The following PLCE1 variants were observed in gnomAD, a reference collection of about 807,000 sequenced individuals.
The protein encoded by PLCE1 is phospholipase C epsilon 1, also known as 1-phosphatidylinositol 4,5-bisphosphate phosphodiesterase epsilon-1.
A neutral mutation model predicts 242.8 loss-of-function variants in PLCE1; 119 were observed. That is an observed-to-expected ratio of 0.49 (90% confidence interval 0.42 to 0.57). The LOEUF (loss-of-function observed/expected upper bound fraction) is 0.57, where lower values mean the gene tolerates loss of function less well. PLCE1 is among the 20% of genes least tolerant of loss of function. The pLI is 0.00. For missense variants in PLCE1, 2,441 were observed against 2,788.8 expected (o/e 0.88, Z 2.81); for synonymous variants, 945 against 1,017.4 (o/e 0.93, Z 1.35).
chr10:94,126,151 T>A (rs1332493931), intron 2 of PLCE1, among the ~76,000 whole-genome samples: 1 of 152,234 alleles, frequency 6.6e-6, no homozygotes, highest in Non-Finnish European at 1.5e-5. Context: ...TTGCTTGCTT[T>A]TCTCTAAGTC....
At chr10:94,063,588 T>C (rs1387037929) in intron 2 of PLCE1, among the ~76,000 whole-genome samples, 2 of 152,346 alleles carry the variant, frequency 1.3e-5, no homozygotes, top group Admixed American at 6.5e-5. Flanking sequence ...TATTTATTGA[T>C]TCACTGAATA....
intron 4 of PLCE1, among the ~76,000 whole-genome samples, chr10:94,224,732 A>C (rs991792469): frequency 6.6e-6 from 1 of 152,242 alleles, no homozygotes; most frequent in Admixed American, 6.5e-5. Flanking sequence ...GAAGAATTAG[A>C]TGGATGCACC....
At chr10:94,161,386 G>A (rs1387750263) in intron 3 of PLCE1, among the ~76,000 whole-genome samples, 1 of 152,176 alleles carries the variant, frequency 6.6e-6, no homozygotes, top group Non-Finnish European at 1.5e-5. Context: ...TCCCTTGTAA[G>A]TTGGATTGCT....
chr10:94,053,192 T>C (rs187103107), intron 2 of PLCE1, among the ~76,000 whole-genome samples: 2 of 152,298 alleles, frequency 1.3e-5, no homozygotes, highest in East Asian at 3.9e-4. Flanking sequence ...AGCAATTTAC[T>C]TAATCTCCCT....
intron 8 of PLCE1, among the ~76,000 whole-genome samples, chr10:94,251,242 G>A (rs2050863589): frequency 6.6e-6 from 1 of 152,204 alleles, no homozygotes; most frequent in Admixed American, 6.5e-5. Context: ...TCTTTGTCAA[G>A]TACCCAAGTT....
At chr10:94,038,357 T>G (rs1186255164) in intron 2 of PLCE1, among the ~76,000 whole-genome samples, 1 of 152,162 alleles carries the variant, frequency 6.6e-6, no homozygotes, top group African/African-American at 2.4e-5. Context: ...GCTTATTTTC[T>G]GGCACCATGA....
At chr10:94,192,935 C>T (rs372551108) in intron 4 of PLCE1, among the ~76,000 whole-genome samples, 10 of 152,242 alleles carry the variant, frequency 6.6e-5, no homozygotes, top group African/African-American at 1.4e-4. Flanking sequence ...TACTATTTTG[C>T]GATAGGTGAA....
chr10:94,035,737 T>C (rs1321405372), intron 2 of PLCE1, among the ~76,000 whole-genome samples: 1 of 152,180 alleles, frequency 6.6e-6, no homozygotes, highest in Non-Finnish European at 1.5e-5. Context: ...GGTATGGTGT[T>C]CTGTATATCT....
At position 94,230,041 on chromosome 10, in the gene PLCE1, A is replaced by ATT. The variant is rs11434775; in HGVS notation, c.1955+2597_1955+2598dup. ...ATTAACTATTACCAACATAATAGAG[A>ATT]TTTTTTTTATTTTTTAAGCAATTAA... On this transcript the variant is annotated intron_variant, in intron 5 of 32. Coordinates refer to ENST00000371380, the MANE Select transcript of PLCE1 (RefSeq NM_016341.4). Among the ~76,000 whole-genome samples, 14 of 151,964 alleles carry ATT rather than the reference A, an allele frequency of 9.2e-5. No individual in the cohort carries two copies. The East Asian group carries it at 1.4e-3, about 15-fold the overall frequency.
At chr10:94,083,353 G>A (rs1437884538) in intron 2 of PLCE1, among the ~76,000 whole-genome samples, 1 of 152,180 alleles carries the variant, frequency 6.6e-6, no homozygotes, top group African/African-American at 2.4e-5. Flanking sequence ...GTATTCTGAT[G>A]TATAAAGGTG....
Position 94,211,802 on chromosome 10 carries a change from G to C in PLCE1, c.1810-15504G>C, listed in dbSNP as rs578050090. On this transcript the variant is annotated intron_variant, in intron 4 of 32. Transcript: ENST00000371380. ...ACCCACCCACCCCAAGCGGTTTCTA[G>C]AGAAGGAGGGGTGTATTTTTGGTTT... Among the ~76,000 whole-genome samples, 5 of 152,270 alleles carry C rather than the reference G, an allele frequency of 3.3e-5. No individual in the cohort carries two copies. In the South Asian group the frequency reaches 1.0e-3, roughly 32 times the overall value.
intron 19 of PLCE1, among the ~76,000 whole-genome samples, chr10:94,274,611 C>G (rs1404634301): frequency 6.6e-6 from 1 of 152,148 alleles, no homozygotes; most frequent in Non-Finnish European, 1.5e-5. Context: ...GGATACAGGA[C>G]AGCTGGAAGT....
intron 18 of PLCE1, 35 bp downstream of exon 18, chr10:94,270,637 G>C: frequency 7.9e-7 from 1 of 1,265,182 alleles, no homozygotes; most frequent in Non-Finnish European, 1.2e-6. Flanking sequence ...ATGGTATGTT[G>C]GCCCTTGTTT....
chr10:94,072,365 C>T (rs1430166188), intron 2 of PLCE1, among the ~76,000 whole-genome samples: 1 of 152,064 alleles, frequency 6.6e-6, no homozygotes, highest in Admixed American at 6.6e-5. Flanking sequence ...CAAGCTCTGC[C>T]TCCCAGGTTC....
At chr10:94,146,988 A>G (rs2047131974) in intron 3 of PLCE1, among the ~76,000 whole-genome samples, 1 of 151,838 alleles carries the variant, frequency 6.6e-6, no homozygotes, top group Non-Finnish European at 1.5e-5. Flanking sequence ...CCTTATTTCT[A>G]TTTTCAATAT....
At chr10:94,055,379 C>T (rs1230096387) in intron 2 of PLCE1, among the ~76,000 whole-genome samples, 1 of 151,092 alleles carries the variant, frequency 6.6e-6, no homozygotes, top group African/African-American at 2.4e-5. Flanking sequence ...GGTGCGATCT[C>T]CACTCACTGC....
intron 4 of PLCE1, among the ~76,000 whole-genome samples, chr10:94,197,835 T>G (rs972966141): frequency 2.6e-5 from 4 of 151,778 alleles, no homozygotes; most frequent in African/African-American, 9.7e-5. Context: ...ATACAAAAAT[T>G]AGCTGGGCAT....
At chr10:94,044,772 A>G (rs1369261511) in intron 2 of PLCE1, among the ~76,000 whole-genome samples, 2 of 152,190 alleles carry the variant, frequency 1.3e-5, no homozygotes, top group African/African-American at 2.4e-5. Context: ...CTAGAAGCAC[A>G]TGGAACAGAA....
chr10:93,994,776 C>T (rs991610555), intron 1 of PLCE1, among the ~76,000 whole-genome samples: 88 of 152,174 alleles, frequency 5.8e-4, no homozygotes, highest in African/African-American at 2.1e-3. Flanking sequence ...ATGTTAGGTG[C>T]ACAGCGTAAA....
Sources: allele counts gnomAD v4.1 joint callset (sites outside exome capture counted in the v4.1 genomes callset), GRCh38; gene constraint gnomAD v4.1.1; transcripts MANE v1.5; gene names NCBI Gene and HGNC (gene_info 2026-07-23, HGNC 2026-07-21).